The following ATOSA variants were observed in gnomAD, a reference collection of about 807,000 sequenced individuals.
The protein encoded by ATOSA is atos homolog protein A.
the ATOSA span, among the ~76,000 whole-genome samples, chr15:52,676,157 C>G: frequency 6.6e-6 from 1 of 152,046 alleles, no homozygotes; most frequent in African/African-American, 2.4e-5. Context: ...CTCCACATAT[C>G]ATGATTACAA....
the ATOSA span, among the ~76,000 whole-genome samples, chr15:52,696,165 G>T: frequency 6.6e-6 from 1 of 152,120 alleles, no homozygotes; most frequent in Non-Finnish European, 1.5e-5. Context: ...CTAATGGTAG[G>T]CTATTCCTGC....
chr15:52,659,549 A>AT, the ATOSA span, among the ~76,000 whole-genome samples: 1 of 152,218 alleles, frequency 6.6e-6, no homozygotes, highest in Non-Finnish European at 1.5e-5. Context: ...CAAAACAAGC[A>AT]TCCCATGTTG....
At chr15:52,613,433 A>G in the ATOSA span, among the ~76,000 whole-genome samples, 1 of 152,216 alleles carries the variant, frequency 6.6e-6, no homozygotes, top group Non-Finnish European at 1.5e-5. Context: ...ATGAGACAGC[A>G]GGTATGAAAT....
chr15:52,631,139 G>A, the ATOSA span, among the ~76,000 whole-genome samples: 4 of 152,146 alleles, frequency 2.6e-5, no homozygotes, highest in Non-Finnish European at 5.9e-5. Context: ...GCTCTTTGTA[G>A]CTATGATATG....
At chr15:52,709,080 A>T in the ATOSA span, among the ~76,000 whole-genome samples, 1 of 152,204 alleles carries the variant, frequency 6.6e-6, no homozygotes, top group Non-Finnish European at 1.5e-5. Context: ...TAAAAAACAG[A>T]AAAAAGAAAG....
chr15:52,627,118 T>C, the ATOSA span, among the ~76,000 whole-genome samples: 12 of 152,206 alleles, frequency 7.9e-5, no homozygotes, highest in African/African-American at 2.9e-4. Context: ...TCAGCCATAT[T>C]TGATAGACTC....
At chr15:52,585,040 C>A in the ATOSA span, 1 of 949,360 alleles carries the variant, frequency 1.1e-6, no homozygotes, top group South Asian at 1.7e-5. Flanking sequence ...TTTTAAACAA[C>A]AAGGTAATAC....
the ATOSA span, among the ~76,000 whole-genome samples, chr15:52,648,096 T>G: frequency 7.2e-5 from 11 of 152,286 alleles, no homozygotes; most frequent in African/African-American, 2.4e-4. Context: ...GTTTTTAACG[T>G]AGAATAACTT....
the ATOSA span, among the ~76,000 whole-genome samples, chr15:52,602,854 C>A: frequency 3.9e-5 from 6 of 152,206 alleles, 1 homozygote; most frequent in South Asian, 8.3e-4. Flanking sequence ...AGCAGGGGAA[C>A]TGAACCCTAG....
chr15:52,609,384 C>G, the ATOSA span: 1 of 1,613,868 alleles, frequency 6.2e-7, no homozygotes, highest in South Asian at 1.1e-5. Context: ...TGGAGTCATG[C>G]ATGTTGAATG....
the ATOSA span, chr15:52,608,635 T>C: frequency 1.8e-5 from 29 of 1,609,858 alleles, no homozygotes; most frequent in East Asian, 2.2e-5. Context: ...TCTCTGAGAA[T>C]AGTTTTGGGA....
the ATOSA span, chr15:52,609,730 G>A: frequency 6.2e-7 from 1 of 1,613,656 alleles, no homozygotes; most frequent in Non-Finnish European, 8.5e-7. Context: ...AGTATTAAAT[G>A]GACGTCCAGA....
chr15:52,607,536 C>T, the ATOSA span, among the ~76,000 whole-genome samples: 2 of 151,982 alleles, frequency 1.3e-5, no homozygotes, highest in Non-Finnish European at 2.9e-5. Context: ...GGGGTGGGGG[C>T]GCCAGTTGAA....
chr15:52,623,140 CAG>C, the ATOSA span, among the ~76,000 whole-genome samples: 1 of 148,912 alleles, frequency 6.7e-6, no homozygotes, highest in Non-Finnish European at 1.5e-5. Context: ...ACCTGGGCAA[CAG>C]AGTGAGACTC....
the ATOSA span, among the ~76,000 whole-genome samples, chr15:52,680,255 C>T: frequency 2.0e-5 from 3 of 152,090 alleles, no homozygotes; most frequent in Non-Finnish European, 4.4e-5. Flanking sequence ...AAAACCCAAT[C>T]CTAACAAGCG....
chr15:52,664,617 C>A, the ATOSA span, among the ~76,000 whole-genome samples: 1 of 152,150 alleles, frequency 6.6e-6, no homozygotes, highest in African/African-American at 2.4e-5. Context: ...GCCCTAATTG[C>A]CACACAACAA....
At chr15:52,645,224 A>G in the ATOSA span, among the ~76,000 whole-genome samples, 3 of 152,206 alleles carry the variant, frequency 2.0e-5, no homozygotes, top group African/African-American at 7.2e-5. Flanking sequence ...ACATCACTTG[A>G]TGTCAAGAGT....
the ATOSA span, among the ~76,000 whole-genome samples, chr15:52,592,006 G>A: frequency 6.6e-6 from 1 of 152,108 alleles, no homozygotes; most frequent in African/African-American, 2.4e-5. Flanking sequence ...TCAAGCTCTT[G>A]ACTAAAATCT....
At chr15:52,618,692 C>A in the ATOSA span, among the ~76,000 whole-genome samples, 1 of 152,136 alleles carries the variant, frequency 6.6e-6, no homozygotes, top group Non-Finnish European at 1.5e-5. Flanking sequence ...TCTTCTTCTT[C>A]TTCTTTTTTA....
Sources: gnomAD v4.1 joint callset for allele counts (sites outside exome capture counted in the v4.1 genomes callset) on GRCh38, gnomAD v4.1.1 for gene constraint, MANE v1.5 for transcripts, NCBI Gene and HGNC (gene_info 2026-07-23, HGNC 2026-07-21) for gene names.